Variants in SLC9A9 observed in about 807,000 individuals in gnomAD.
The protein encoded by SLC9A9 is solute carrier family 9 member A9.
A neutral mutation model predicts 77.8 loss-of-function variants in SLC9A9; 62 were observed. The observed-to-expected ratio is 0.80, with a 90% CI of 0.65 to 0.98. The LOEUF is 0.98. Among genes scored for constraint, SLC9A9 ranks in the 50% least tolerant of loss-of-function variants. The probability of loss-of-function intolerance (pLI) is 0.00; values close to 1 mark genes in which losing one functional copy is unlikely to be tolerated. For synonymous variants in SLC9A9, 320 were observed against 283.5 expected, an observed-to-expected ratio of 1.13 and a Z score of -1.29; for missense variants, 775 against 774.9, an observed-to-expected ratio of 1.00 and a Z score of 0.00.
rs1204116111 is a variant in SLC9A9, at chr3:143,771,896, G to GAAC, written c.533+23104_533+23105insGTT. 2.0e-5 allele frequency among the ~76,000 whole-genome samples: 3 copies of GAAC among 152,256 alleles called. No homozygotes were observed. In the East Asian group the frequency reaches 5.8e-4, roughly 29 times the overall value. On this transcript the variant is annotated intron_variant, in intron 4 of 15. Coordinates refer to ENST00000316549, the MANE Select transcript of SLC9A9 (RefSeq NM_173653.4). The stretch of plus-strand genomic sequence containing the variant: ...TTGAGGGGATGGAGAAGAAGAAGAA[G>GAAC]TCCCCTTTCCAGGTCTCCTCCAGGT...
chr3:143,760,727 G>A (rs112508236), intron 4 of SLC9A9, among the ~76,000 whole-genome samples: 3,810 of 152,160 alleles, frequency 0.025, 153 homozygotes, highest in African/African-American at 0.083. Context: ...CCATGCTCAC[G>A]AATAGGAATC....
rs186071213 is a variant in SLC9A9 at position 143,465,173 on chromosome 3, C to A, written c.1469+1864G>T. Among the ~76,000 whole-genome samples, 463 of 152,302 alleles carry A rather than the reference C, an allele frequency of 3.0e-3. 2 individuals carry two copies. The highest frequency in any genetic ancestry group is 0.011 in the African/African-American group (450 of 41,576). On this transcript the variant is annotated intron_variant, in intron 12 of 15. Coordinates refer to ENST00000316549, the MANE Select transcript of SLC9A9 (RefSeq NM_173653.4). ...CATGACCTGGCTGCCCCATGCTGTG[C>A]CCCCTGGAAGACTGCCATAACACTG...
At chr3:143,335,253 T>C (rs2031888626) in intron 14 of SLC9A9, among the ~76,000 whole-genome samples, 1 of 152,140 alleles carries the variant, frequency 6.6e-6, no homozygotes, top group Non-Finnish European at 1.5e-5. Flanking sequence ...AGGAGACTTG[T>C]ACATTGAAAA....
At chr3:143,438,024 A>G (rs1426731774) in intron 12 of SLC9A9, among the ~76,000 whole-genome samples, 1 of 152,188 alleles carries the variant, frequency 6.6e-6, no homozygotes. Context: ...TTGTTTTCCT[A>G]CCCTCTAGGG....
chr3:143,522,414 A>G (rs1185524311), intron 9 of SLC9A9, among the ~76,000 whole-genome samples: 1 of 152,168 alleles, frequency 6.6e-6, no homozygotes, highest in Non-Finnish European at 1.5e-5. Context: ...CTTTTTACAC[A>G]GAAATGCCCA....
chr3:143,320,481 C>T (rs533276335), intron 14 of SLC9A9, among the ~76,000 whole-genome samples: 2 of 152,320 alleles, frequency 1.3e-5, no homozygotes, highest in East Asian at 1.9e-4. Flanking sequence ...AGGCATGGCA[C>T]TGCCAGCTTC....
intron 6 of SLC9A9, among the ~76,000 whole-genome samples, chr3:143,649,411 C>G (rs186752105): frequency 6.6e-6 from 1 of 152,102 alleles, no homozygotes; most frequent in African/African-American, 2.4e-5. Context: ...TTAGCACAAA[C>G]AATTCTGGAA....
intron 1 of SLC9A9, among the ~76,000 whole-genome samples, chr3:143,846,449 C>T (rs189087778): frequency 6.6e-6 from 1 of 152,150 alleles, no homozygotes; most frequent in Non-Finnish European, 1.5e-5. Context: ...ATGACAGGAA[C>T]CTAGGGCTTC....
intron 4 of SLC9A9, among the ~76,000 whole-genome samples, chr3:143,774,852 TG>T (rs1283437212): frequency 1.3e-5 from 2 of 152,194 alleles, no homozygotes; most frequent in African/African-American, 4.8e-5. Flanking sequence ...CCTGCCCCTT[TG>T]GGACCCTGTC....
chr3:143,444,148 T>C (rs1319019592), intron 12 of SLC9A9, among the ~76,000 whole-genome samples: 3 of 152,200 alleles, frequency 2.0e-5, no homozygotes, highest in African/African-American at 7.2e-5. Flanking sequence ...TAAAAATGCT[T>C]TGGAATCAGC....
chr3:143,727,101 A>C (rs1934673275), intron 4 of SLC9A9, among the ~76,000 whole-genome samples: 1 of 152,232 alleles, frequency 6.6e-6, no homozygotes, highest in Non-Finnish European at 1.5e-5. Flanking sequence ...AAGCCTAAGT[A>C]GCACGACAAA....
At chr3:143,534,830 T>C (rs1035010344) in intron 9 of SLC9A9, among the ~76,000 whole-genome samples, 1 of 152,220 alleles carries the variant, frequency 6.6e-6, no homozygotes, top group Non-Finnish European at 1.5e-5. Context: ...AGATTTTCTT[T>C]AAATTGCAAC....
chr3:143,657,541 A>G (rs1053443052), intron 5 of SLC9A9, among the ~76,000 whole-genome samples: 1 of 152,202 alleles, frequency 6.6e-6, no homozygotes, highest in African/African-American at 2.4e-5. Flanking sequence ...TTTCACAATA[A>G]CATGAAATAT....
At chr3:143,401,381 T>C (rs1208613530) in intron 12 of SLC9A9, among the ~76,000 whole-genome samples, 2 of 152,188 alleles carry the variant, frequency 1.3e-5, no homozygotes, top group African/African-American at 2.4e-5. Context: ...CCTTGTTTTC[T>C]AAAACCAGCT....
At chr3:143,381,641 C>T (rs1451205272) in intron 13 of SLC9A9, among the ~76,000 whole-genome samples, 3 of 152,070 alleles carry the variant, frequency 2.0e-5, no homozygotes, top group Non-Finnish European at 4.4e-5. Flanking sequence ...GTTTTTTGGG[C>T]CTTAGACCTG....
chr3:143,838,238 A>G (rs983124936), intron 1 of SLC9A9, among the ~76,000 whole-genome samples: 1 of 152,204 alleles, frequency 6.6e-6, no homozygotes, highest in African/African-American at 2.4e-5. Context: ...GAGGTTCTCA[A>G]GGATGTGTAA....
At chr3:143,504,285 G>T (rs2035974005) in intron 9 of SLC9A9, 1 of 226,250 alleles carries the variant, frequency 4.4e-6, no homozygotes. Context: ...GTGTCTCAGG[G>T]ATGTGGCTGG....
At chr3:143,621,219 A>T (rs531161046) in intron 6 of SLC9A9, among the ~76,000 whole-genome samples, 244 of 152,326 alleles carry the variant, frequency 1.6e-3, no homozygotes, top group African/African-American at 5.7e-3. Flanking sequence ...AGGCAGCAGA[A>T]TCCTCTGCAG....
chr3:143,649,099 C>A lies in SLC9A9; in HGVS notation c.755+3156G>T, dbSNP rs77878642. Among the ~76,000 whole-genome samples the A allele has an allele frequency of 8.8e-3, 1,344 of 152,332 alleles. 18 individuals carry two copies. Among genetic ancestry groups the A allele is most frequent in the Non-Finnish European group, 9.8e-3 (669 of 68,022 alleles). ...CACAGTTAATTAATGGCAATCTTGA[C>A]ACCAGATCTTCTGACTCTTAACCTA... On this transcript the variant is annotated intron_variant, in intron 6 of 15. Transcript: ENST00000316549.
Sources: gnomAD v4.1 joint callset for allele counts (sites outside exome capture counted in the v4.1 genomes callset) on GRCh38, gnomAD v4.1.1 for gene constraint, MANE v1.5 for transcripts, NCBI Gene and HGNC (gene_info 2026-07-23, HGNC 2026-07-21) for gene names.